Variants in ARVCF observed in about 807,000 individuals in gnomAD.
ARVCF encodes the protein splicing regulator ARVCF.
A neutral mutation model predicts 90.9 loss-of-function variants in ARVCF; 66 were observed. The ratio of observed to expected loss-of-function variants is 0.73; its 90% CI spans 0.60 to 0.89. The LOEUF (loss-of-function observed/expected upper bound fraction) is 0.89, where lower values mean the gene tolerates loss of function less well. Among genes scored for constraint, ARVCF ranks in the 40% least tolerant of loss-of-function variants. The probability of loss-of-function intolerance (pLI) is 0.00; values close to 1 mark genes in which losing one functional copy is unlikely to be tolerated. For missense variants in ARVCF, 1,469 were observed against 1,382.3 expected (o/e 1.06, Z -1.00); for synonymous variants, 653 against 603.4 (o/e 1.08, Z -1.21).
chr22:19,979,925 A>C lies in ARVCF; in HGVS notation c.1214T>G (p.Leu405Arg). 6.3e-7 allele frequency: 1 copy of C among 1,596,156 alleles called. No homozygotes were observed. Among genetic ancestry groups the C allele is most frequent in the Non-Finnish European group, 8.5e-7 (1 of 1,172,058 alleles). Residue 405 changes from leucine (L) to arginine (R), a missense_variant, in exon 6 of 20, where the codon CTT (leucine) becomes CGT (arginine). Transcript: ENST00000263207. Reference sequence around the variant, plus strand: ...CCGCGGGTGGTCCAGCAGTGCCACAAGCAGCGGCAGCCCCCGCAACTGCCG... The same window carrying C: ...CCGCGGGTGGTCCAGCAGTGCCACACGCAGCGGCAGCCCCCGCAACTGCCG... The part of the protein sequence containing the change: ...RVRQLRGLPL[L>R]VALLDHPRAE...
chr22:19,973,949 C>T (rs1234386937), intron 12 of ARVCF, among the ~76,000 whole-genome samples, 156 bp from the exon 13 acceptor site: 1 of 152,242 alleles, frequency 6.6e-6, no homozygotes. Flanking sequence ...GTTTTCCCAC[C>T]GTCCAGGGTG....
intron 2 of ARVCF, among the ~76,000 whole-genome samples, chr22:20,006,657 G>T (rs111675839): frequency 1.3e-5 from 2 of 150,458 alleles, no homozygotes; most frequent in African/African-American, 4.9e-5. Flanking sequence ...TTTTGAGACG[G>T]AGTCTTGCCC....
chr22:19,967,337 G>A (rs1472122254), downstream of ARVCF: 1 of 643,416 alleles, frequency 1.6e-6, no homozygotes, highest in South Asian at 1.5e-5. Context: ...CTAGGCCATT[G>A]TCCTCCTCCC....
intron 2 of ARVCF, among the ~76,000 whole-genome samples, chr22:20,001,161 T>G (rs149150828): frequency 6.6e-6 from 1 of 152,230 alleles, no homozygotes; most frequent in Non-Finnish European, 1.5e-5. Flanking sequence ...ACTCCATTCC[T>G]GTCTTGGACA....
At chr22:19,994,213 CAG>C (rs1336363358) in intron 2 of ARVCF, among the ~76,000 whole-genome samples, 1 of 149,174 alleles carries the variant, frequency 6.7e-6, no homozygotes, top group Non-Finnish European at 1.5e-5. Context: ...GGGAGATGGA[CAG>C]AGATGAATGG....
chr22:19,981,506 A>AGCT lies in ARVCF; in HGVS notation c.598_600dup (p.Ser200dup). The AGCT allele has an allele frequency of 6.4e-7, 1 of 1,564,228 alleles. No individual in the cohort carries two copies. The highest frequency in any genetic ancestry group is 8.6e-7 in the Non-Finnish European group (1 of 1,156,482). ...CCCAGCCCTCGGGACAGGCTGCCAT[A>AGCT]GCTGGGGCTGTCCCGGGGCTCGGGG... On this transcript the variant is annotated inframe_insertion, in exon 5 of 20. Transcript: ENST00000263207.
chr22:19,991,964 C>T lies in ARVCF; in HGVS notation c.-18-1152G>A, dbSNP rs118080936. 1.6e-4 allele frequency among the ~76,000 whole-genome samples: 25 copies of T among 152,378 alleles called. No individual in the cohort carries two copies. In the East Asian group the frequency reaches 4.8e-3, roughly 29 times the overall value. On this transcript the variant is annotated intron_variant, in intron 2 of 19. Coordinates refer to ENST00000263207, the MANE Select transcript of ARVCF (RefSeq NM_001670.3). ...GCCCTTGCACCAATATAGGGCCCTC[C>T]ACGGGGAGGACACGCACTGCGGGTG...
rs984644186 is a variant in ARVCF at position 19,980,147 on chromosome 22, C to T, written c.992G>A (p.Gly331Asp). 4.4e-6 allele frequency: 7 copies of T among 1,592,128 alleles called. No individual in the cohort carries two copies. The highest frequency in any genetic ancestry group is 2.2e-5 in the East Asian group (1 of 44,464). Residue 331 changes from glycine to aspartate, a missense_variant, in exon 6 of 20, where the codon GGC becomes GAC. Coordinates refer to ENST00000263207, the MANE Select transcript of ARVCF (RefSeq NM_001670.3). ...VTAPLAQPER[G>D]SMGSLDRLVR... Reference sequence around the variant, plus strand: ...CAGCCGGTCCAGGCTGCCCATGCTGCCCCGTTCAGGCTGGGCCAGGGGCGC... The same window carrying T: ...CAGCCGGTCCAGGCTGCCCATGCTGTCCCGTTCAGGCTGGGCCAGGGGCGC...
At chr22:19,975,614 A>G in intron 11 of ARVCF, 72 bp downstream of exon 11, 2 of 1,573,742 alleles carry the variant, frequency 1.3e-6, no homozygotes. Context: ...TGATGGCTCA[A>G]AGCTTCACTA....
Position 19,973,013 on chromosome 22 carries a change from G to C in ARVCF, c.2462C>G (p.Ala821Gly). Residue 821 changes from alanine (A) to glycine (G), a missense_variant, in exon 15 of 20, where the codon GCG becomes GGG. Transcript: ENST00000263207. ...CACTGTCTGCAGCACGTGTGACGCC[G>C]CCTTCGCTTCGCGTACCGATTGGCT... ...ASSQSVREAKAASHVLQTVWS... is the reference protein window; with the variant it reads ...ASSQSVREAKGASHVLQTVWS... The C allele has an allele frequency of 6.2e-7, 1 of 1,613,332 alleles. No homozygotes were observed. Among genetic ancestry groups the C allele is most frequent in the African/African-American group, 1.3e-5 (1 of 75,042 alleles).
At chr22:20,011,648 G>A (rs902590906) in intron 1 of ARVCF, among the ~76,000 whole-genome samples, 1 of 151,950 alleles carries the variant, frequency 6.6e-6, no homozygotes, top group Non-Finnish European at 1.5e-5. Context: ...GTGCGTGCAT[G>A]TGAATATGAG....
rs748698583 is a variant in ARVCF at position 19,972,774 on chromosome 22, G to A, written c.2604C>T (p.Phe868=). The change falls in exon 16 of 20, where the codon TTC becomes TTT. Residue 868 remains phenylalanine, a synonymous_variant. Transcript: ENST00000263207. ...CCACCAGTGGCAGCGTGCTGTCATC[G>A]AAGCCCCCAGGACTCAGTGCTCCCT... ...GPKGALSPGG[F]DDSTLPLVDK... The A allele has an allele frequency of 3.7e-5, 60 of 1,613,120 alleles. No individual in the cohort carries two copies. The highest frequency in any genetic ancestry group is 2.7e-4 in the African/African-American group (20 of 74,870).
intron 1 of ARVCF, among the ~76,000 whole-genome samples, chr22:20,012,873 G>A (rs1944886862): frequency 1.3e-5 from 2 of 152,268 alleles, no homozygotes; most frequent in Admixed American, 6.5e-5. Flanking sequence ...GATAGCTGAC[G>A]GCACAGGGCA....
intron 5 of ARVCF, chr22:19,980,932 C>T: frequency 9.0e-6 from 4 of 445,360 alleles, no homozygotes; most frequent in Non-Finnish European, 1.6e-5. Context: ...AGGGCCAGGG[C>T]TCTGGGTTCT....
intron 8 of ARVCF, 84 bp from the exon 9 acceptor site, chr22:19,977,670 A>G (rs1943237619): frequency 2.0e-6 from 3 of 1,464,132 alleles, no homozygotes; most frequent in Non-Finnish European, 1.8e-6. Context: ...GCTGGTGTGC[A>G]TGAGGGCACC....
intron 12 of ARVCF, 24 bp from the exon 13 acceptor site, chr22:19,973,817 C>T (rs1359428132): frequency 6.3e-7 from 1 of 1,591,796 alleles, no homozygotes. Context: ...GAGAGGGTTG[C>T]TCAGACATAC....
intron 5 of ARVCF, chr22:19,980,665 CCT>C (rs1943442237): frequency 1.0e-5 from 2 of 197,874 alleles, no homozygotes; most frequent in African/African-American, 4.6e-5. Context: ...AGTAAATGGC[CCT>C]CTCCGCATGA....
At chr22:20,008,206 T>C (rs1044577079) in intron 2 of ARVCF, among the ~76,000 whole-genome samples, 4 of 152,176 alleles carry the variant, frequency 2.6e-5, no homozygotes, top group African/African-American at 4.8e-5. Flanking sequence ...AGGCCTGTCA[T>C]AGGGGCCAGG....
intron 2 of ARVCF, among the ~76,000 whole-genome samples, chr22:19,998,878 C>G (rs949734808): frequency 2.6e-5 from 4 of 152,174 alleles, no homozygotes; most frequent in African/African-American, 9.7e-5. Context: ...TTACTGTCCT[C>G]TCACTTCTCA....
Sources: gnomAD v4.1 joint callset for allele counts (sites outside exome capture counted in the v4.1 genomes callset) on GRCh38, gnomAD v4.1.1 for gene constraint, MANE v1.5 for transcripts, NCBI Gene and HGNC (gene_info 2026-07-23, HGNC 2026-07-21) for gene names.